ZNF444: variants seen among roughly 807,000 people sequenced by gnomAD.
ZNF444 encodes endothelial zinc finger protein 2.
Under a neutral mutation model 14.4 loss-of-function variants are expected in ZNF444, and 8 were observed. That is an observed-to-expected ratio of 0.56 (90% CI 0.33 to 1.00). ZNF444 has a LOEUF of 1.00. Among genes scored for constraint, ZNF444 ranks in the 50% least tolerant of loss-of-function variants. ZNF444 has a pLI of 0.03. For synonymous variants in ZNF444, 258 were observed against 235.9 expected, an observed-to-expected ratio of 1.09 and a Z score of -0.86; for missense variants, 510 against 504.8, an observed-to-expected ratio of 1.01 and a Z score of -0.10.
At chr19:56,135,475 C>A (rs543371361) in intron 1 of ZNF444, among the ~76,000 whole-genome samples, 1 of 151,992 alleles carries the variant, frequency 6.6e-6, no homozygotes, top group African/African-American at 2.4e-5. Flanking sequence ...AGCTGCCAAA[C>A]CATGCCATGA....
chr19:56,158,519 C>G lies in ZNF444; in HGVS notation c.323C>G (p.Ser108Trp), dbSNP rs763730603. ...LWGPAASPDG[S>W]SATRVPQDVT... ...GGGCCAGCAGCCTCCCCCGATGGGT[C>G]GTCAGCAACGAGGGTGCCTCAGGAT... Residue 108 changes from serine (S) to tryptophan (W), a missense_variant, in exon 4 of 5, where the codon TCG (serine) becomes TGG (tryptophan). By Grantham distance (177) the Ser-to-Trp change is radical. Coordinates refer to ENST00000337080, the MANE Select transcript of ZNF444 (RefSeq NM_018337.4). The G allele has an allele frequency of 2.5e-6, 4 of 1,611,386 alleles. No individual in the cohort carries two copies. In the East Asian group the frequency reaches 6.7e-5, roughly 27 times the overall value.
At chr19:56,139,194 C>A (rs2123456005), upstream of ZNF444, among the ~76,000 whole-genome samples, 1 of 152,032 alleles carries the variant, frequency 6.6e-6, no homozygotes, top group Middle Eastern at 3.4e-3. Context: ...AAAAAAAGAT[C>A]CCTTTGGCGC....
At position 56,160,183 on chromosome 19, in the gene ZNF444, G is replaced by A. The variant is rs566678113; in HGVS notation, c.966G>A (p.Pro322=). The part of the protein sequence containing the change: ...APGPDGGGPF[P]PWPLG ...GCCCGGATGGTGGAGGCCCCTTCCC[G>A]CCCTGGCCCTTGGGTTAGCCGCCTC... is the stretch of plus-strand genomic sequence containing the variant. The change falls in exon 5 of 5, where the codon CCG becomes CCA. Residue 322 remains proline, a synonymous_variant. Transcript: ENST00000337080. 2.1e-5 allele frequency: 31 copies of A among 1,464,430 alleles called. No individual in the cohort carries two copies. In the East Asian group the frequency reaches 2.3e-4, roughly 11 times the overall value. The allele number at this position is 1,464,430 out of a possible 1,614,324, so 90.7% of individuals were successfully genotyped here.
At chr19:56,132,913 CT>C (rs1409740960) in intron 1 of ZNF444, 4 of 114,792 alleles carry the variant, frequency 3.5e-5, no homozygotes, top group Non-Finnish European at 7.7e-5. Context: ...TCTTTTTTTT[CT>C]TTTTCTTTCT....
intron 3 of ZNF444, chr19:56,158,023 T>G (rs1456978171): frequency 6.6e-6 from 1 of 152,518 alleles, no homozygotes; most frequent in Non-Finnish European, 1.5e-5. Flanking sequence ...TAAAAGTAGC[T>G]TATATATTCT....
At chr19:56,132,972 C>T (rs1433203322) in intron 1 of ZNF444, among the ~76,000 whole-genome samples, 1 of 118,044 alleles carries the variant, frequency 8.5e-6, no homozygotes, top group Non-Finnish European at 1.7e-5. Flanking sequence ...GAGTCTCACA[C>T]TGTTGCCCAG....
intron 3 of ZNF444, among the ~76,000 whole-genome samples, chr19:56,152,072 C>T (rs1022292647): frequency 1.3e-5 from 2 of 152,168 alleles, no homozygotes; most frequent in Admixed American, 1.3e-4. Flanking sequence ...TGGCTCACGC[C>T]TGTCATCCCA....
intron 3 of ZNF444, among the ~76,000 whole-genome samples, chr19:56,148,045 C>T (rs1436227268): frequency 2.6e-5 from 4 of 151,992 alleles, no homozygotes; most frequent in Non-Finnish European, 5.9e-5. Context: ...AGAGTCCTGT[C>T]GGGGGATGTG....
chr19:56,139,721 A>ACC (rs2030701283), upstream of ZNF444, among the ~76,000 whole-genome samples: 1 of 142,088 alleles, frequency 7.0e-6, no homozygotes. Flanking sequence ...AAACCAAAAA[A>ACC]AAAAAAAGAA....
chr19:56,149,385 C>T (rs1317772348), intron 3 of ZNF444, among the ~76,000 whole-genome samples: 1 of 138,902 alleles, frequency 7.2e-6, no homozygotes, highest in East Asian at 2.2e-4. Flanking sequence ...TTGACCTCTG[C>T]TTCCATCCCC....
intron 1 of ZNF444, among the ~76,000 whole-genome samples, chr19:56,142,848 T>C (rs2030919874): frequency 6.6e-6 from 1 of 152,158 alleles, no homozygotes; most frequent in Non-Finnish European, 1.5e-5. Context: ...CCAGCATATG[T>C]GGGTGCTGGT....
rs1384845543 is a variant in ZNF444, at chr19:56,159,769, C to T, written c.552C>T (p.Cys184=). The T allele has an allele frequency of 1.3e-5, 21 of 1,593,524 alleles. No homozygotes were observed. The highest frequency in any genetic ancestry group is 4.5e-5 in the East Asian group (2 of 44,184). The part of the protein sequence containing the change: ...AAPGTTSCPE[C]GKTSLKPAHL... Reference sequence around the variant, plus strand: ...CGGGCACCACGTCCTGCCCCGAGTGCGGCAAAACGTCCCTGAAACCAGCTC... The same window carrying T: ...CGGGCACCACGTCCTGCCCCGAGTGTGGCAAAACGTCCCTGAAACCAGCTC... The change falls in exon 5 of 5, where the codon TGC becomes TGT. Residue 184 remains cysteine, a synonymous_variant. Transcript: ENST00000337080.
At chr19:56,150,609 A>G in intron 3 of ZNF444, 1 of 450,474 alleles carries the variant, frequency 2.2e-6, no homozygotes, top group Non-Finnish European at 4.5e-6. Flanking sequence ...CTGGCTTTCC[A>G]TTTCCAGCAA....
intron 3 of ZNF444, among the ~76,000 whole-genome samples, chr19:56,153,049 T>A (rs77407697): frequency 0.025 from 3,872 of 152,076 alleles, 62 homozygotes; most frequent in Non-Finnish European, 0.038. Context: ...GACTTTCACA[T>A]TTTTTTTAAA....
Position 56,147,795 on chromosome 19 carries a change from G to C in ZNF444, c.297+587G>C, listed in dbSNP as rs984217068. On this transcript the variant is annotated intron_variant, in intron 3 of 4. Coordinates refer to ENST00000337080, the MANE Select transcript of ZNF444 (RefSeq NM_018337.4). The surrounding 1 kb of genome is among the most constrained non-coding windows in gnomAD (Gnocchi z 5.9). Reference sequence around the variant, plus strand: ...CCTTATCATGCGTGAGGCTCCAAGGGCTCAGAGATGACTTCCCAGGGGCAG... The same window carrying C: ...CCTTATCATGCGTGAGGCTCCAAGGCCTCAGAGATGACTTCCCAGGGGCAG... Among the ~76,000 whole-genome samples the C allele has an allele frequency of 1.3e-5, 2 of 152,124 alleles. No homozygotes were observed. The highest frequency in any genetic ancestry group is 4.8e-5 in the African/African-American group (2 of 41,416).
intron 1 of ZNF444, chr19:56,141,775 G>T (rs2030836026): frequency 6.6e-6 from 1 of 151,986 alleles, no homozygotes; most frequent in South Asian, 2.1e-4. Context: ...GGGGCGCCGG[G>T]ACCGGACCCC....
At chr19:56,134,017 C>G (rs1160096369) in intron 1 of ZNF444, among the ~76,000 whole-genome samples, 1 of 151,996 alleles carries the variant, frequency 6.6e-6, no homozygotes, top group Non-Finnish European at 1.5e-5. Flanking sequence ...GCCTGCACTG[C>G]TAGACACAGA....
At chr19:56,137,448 T>C (rs2637114), upstream of ZNF444, among the ~76,000 whole-genome samples, 132,744 of 151,644 alleles carry the variant, frequency 0.88, 59,477 homozygotes, top group Non-Finnish European at 0.99. Context: ...CCAGCCTGGG[T>C]GACAGAGCGA....
intron 3 of ZNF444, chr19:56,157,854 T>A (rs1161970404): frequency 6.6e-6 from 1 of 152,132 alleles, no homozygotes; most frequent in Non-Finnish European, 1.5e-5. Flanking sequence ...GGACGTGGTT[T>A]TGAGGAATTA....
Sources: allele counts gnomAD v4.1 joint callset (sites outside exome capture counted in the v4.1 genomes callset), GRCh38; gene constraint gnomAD v4.1.1; non-coding constraint Gnocchi (gnomAD v3.1); transcripts MANE v1.5; gene names NCBI Gene and HGNC (gene_info 2026-07-23, HGNC 2026-07-21).